The following TAF3 variants were observed in gnomAD, a reference collection of about 807,000 sequenced individuals.
TAF3 encodes TATA-box binding protein associated factor 3, also known as transcription initiation factor TFIID subunit 3.
Under a neutral mutation model 80.6 loss-of-function variants are expected in TAF3, and 7 were observed. That is an observed-to-expected ratio of 0.09 (90% confidence interval 0.05 to 0.16). The LOEUF (loss-of-function observed/expected upper bound fraction) is 0.16. TAF3 is among the 10% of genes least tolerant of loss of function. TAF3 has a pLI of 1.00. For missense variants in TAF3, 921 were observed against 1,140.2 expected, an observed-to-expected ratio of 0.81 and a Z score of 2.77; for synonymous variants, 444 against 446.1, an observed-to-expected ratio of 1.00 and a Z score of 0.06.
chr10:7,983,041 G>C (rs149992156), intron 4 of TAF3, among the ~76,000 whole-genome samples: 1 of 152,318 alleles, frequency 6.6e-6, no homozygotes, highest in African/African-American at 2.4e-5. Flanking sequence ...AGCAGGGGTG[G>C]ATGTGACTTC....
intron 2 of TAF3, among the ~76,000 whole-genome samples, chr10:7,881,188 A>G (rs1837357495): frequency 7.0e-6 from 1 of 142,298 alleles, no homozygotes; most frequent in South Asian, 2.4e-4. Context: ...GTGAGCCATG[A>G]GTATAACTAA....
intron 2 of TAF3, among the ~76,000 whole-genome samples, chr10:7,864,159 TA>T (rs1313163886): frequency 6.6e-6 from 1 of 152,186 alleles, no homozygotes; most frequent in Non-Finnish European, 1.5e-5. Flanking sequence ...GACAAATGTG[TA>T]ATGACAAATA....
intron 4 of TAF3, among the ~76,000 whole-genome samples, chr10:7,982,705 AC>A (rs1822806318): frequency 6.6e-6 from 1 of 152,198 alleles, no homozygotes; most frequent in Non-Finnish European, 1.5e-5. Context: ...TGACTGAAAT[AC>A]ATTTTTTTTT....
Position 7,870,728 on chromosome 10 carries a change from G to A in TAF3, c.409+46168G>A, listed in dbSNP as rs149309407. Among the ~76,000 whole-genome samples, 374 of 152,114 alleles carry A rather than the reference G, an allele frequency of 2.5e-3. 1 individual carries two copies. Among genetic ancestry groups the A allele is most frequent in the African/African-American group, 8.7e-3 (362 of 41,504 alleles). On this transcript the variant is annotated intron_variant, in intron 2 of 6. Coordinates refer to ENST00000344293, the MANE Select transcript of TAF3 (RefSeq NM_031923.4). ...CTTCTTCTCTAAGTCCTTTCCTTGA[G>A]TGTCTTAACACTCATGCCTGCCCCC...
At chr10:7,934,743 C>A (rs547670811) in intron 2 of TAF3, among the ~76,000 whole-genome samples, 3 of 152,216 alleles carry the variant, frequency 2.0e-5, no homozygotes, top group Middle Eastern at 3.4e-3. Context: ...CTGCACCCCA[C>A]CTCCCTTCCT....
chr10:7,872,213 A>ATTTTTT (rs34945620), intron 2 of TAF3, among the ~76,000 whole-genome samples: 2,786 of 120,624 alleles, frequency 0.023, 4 homozygotes, highest in Non-Finnish European at 0.032. Context: ...TGTTGGGTTG[A>ATTTTTT]TTTTTTTTTT....
chr10:7,895,108 G>A lies in TAF3; in HGVS notation c.410-68812G>A, dbSNP rs1000346480. ...CCAGGCTCCTGACCTTGGGTGATCC[G>A]CCTGCCTCGGCCTCCCAAAGTGCTG... On this transcript the variant is annotated intron_variant, in intron 2 of 6. Transcript: ENST00000344293. Among the ~76,000 whole-genome samples, 8 of 152,072 alleles carry A rather than the reference G, an allele frequency of 5.3e-5. No individual in the cohort carries two copies. The East Asian group carries it at 7.7e-4, about 15-fold the overall frequency.
intron 4 of TAF3, among the ~76,000 whole-genome samples, chr10:8,004,186 G>C (rs1287555380): frequency 2.6e-5 from 4 of 151,968 alleles, no homozygotes; most frequent in Admixed American, 2.6e-4. Context: ...GAGTAGCTGG[G>C]ATTACAGGTC....
intron 2 of TAF3, among the ~76,000 whole-genome samples, chr10:7,920,566 C>G (rs1356153655): frequency 1.3e-5 from 2 of 152,100 alleles, no homozygotes; most frequent in Non-Finnish European, 1.5e-5. Flanking sequence ...CTTCTGGTAT[C>G]TATTCTGTAT....
At chr10:7,842,151 G>GTTTTTTTTTTTTTTTTT (rs71505465) in intron 2 of TAF3, among the ~76,000 whole-genome samples, 5 of 98,748 alleles carry the variant, frequency 5.1e-5, no homozygotes, top group Non-Finnish European at 8.6e-5. Context: ...AATTAATATT[G>GTTTTTTTTTTTTTTTTT]TTTTTTTTTT....
rs898982428 is a variant in TAF3 at position 8,015,830 on chromosome 10, A to G, written c.*1079A>G. ...TAAATTTCTTTGACAGACTTTTACT[A>G]AAAGGACATGTAGTTTCCATGAAAG... On this transcript the variant is annotated 3_prime_UTR_variant, in exon 7 of 7. Coordinates refer to ENST00000344293, the MANE Select transcript of TAF3 (RefSeq NM_031923.4). 1.3e-5 allele frequency: 2 copies of G among 151,860 alleles called. No individual in the cohort carries two copies. Among genetic ancestry groups the G allele is most frequent in the Non-Finnish European group, 2.9e-5 (2 of 67,962 alleles). The allele number at this position is 151,860 out of a possible 1,614,324, so 9.4% of individuals were successfully genotyped here.
chr10:7,896,066 C>T (rs974668058), intron 2 of TAF3, among the ~76,000 whole-genome samples: 3 of 152,068 alleles, frequency 2.0e-5, no homozygotes, highest in African/African-American at 7.2e-5. Flanking sequence ...GAGTGGGTTA[C>T]CAATGATAGT....
chr10:8,003,348 A>G (rs911770176), intron 4 of TAF3, among the ~76,000 whole-genome samples: 3 of 152,034 alleles, frequency 2.0e-5, no homozygotes, highest in Non-Finnish European at 2.9e-5. Flanking sequence ...ACTACAGTTT[A>G]TATAATAGAG....
intron 2 of TAF3, among the ~76,000 whole-genome samples, chr10:7,922,829 T>A (rs1837777404): frequency 6.6e-6 from 1 of 152,116 alleles, no homozygotes; most frequent in Non-Finnish European, 1.5e-5. Context: ...GAGTTCATTT[T>A]ATCTCAGCCT....
intron 4 of TAF3, among the ~76,000 whole-genome samples, chr10:7,983,901 A>C (rs1479742846): frequency 6.6e-6 from 1 of 152,198 alleles, no homozygotes; most frequent in East Asian, 1.9e-4. Context: ...AACAATGACA[A>C]AAAGAATTTT....
At chr10:7,968,581 G>A (rs1831594259) in intron 3 of TAF3, among the ~76,000 whole-genome samples, 1 of 152,168 alleles carries the variant, frequency 6.6e-6, no homozygotes, top group Admixed American at 6.5e-5. Flanking sequence ...TTAACAGTGA[G>A]TAATTACTAT....
intron 3 of TAF3, among the ~76,000 whole-genome samples, chr10:7,966,825 A>G (rs914130044): frequency 6.6e-5 from 10 of 152,092 alleles, no homozygotes; most frequent in Non-Finnish European, 1.3e-4. Context: ...TTTTTCGCCT[A>G]CCTTGATTTG....
chr10:8,001,450 C>T (rs1228540484), intron 4 of TAF3, among the ~76,000 whole-genome samples: 1 of 152,028 alleles, frequency 6.6e-6, no homozygotes, highest in African/African-American at 2.4e-5. Flanking sequence ...TGAATAAGAA[C>T]ATTAATTCTT....
chr10:7,827,372 T>C (rs746253326), intron 2 of TAF3, among the ~76,000 whole-genome samples: 2 of 152,186 alleles, frequency 1.3e-5, no homozygotes, highest in Non-Finnish European at 2.9e-5. Flanking sequence ...GTTTAACATA[T>C]AAAATACATA....
Sources: allele counts gnomAD v4.1 joint callset (sites outside exome capture counted in the v4.1 genomes callset), GRCh38; gene constraint gnomAD v4.1.1; transcripts MANE v1.5; gene names NCBI Gene and HGNC (gene_info 2026-07-23, HGNC 2026-07-21).